Variants in ANKS1B observed in about 807,000 individuals in gnomAD.
The protein encoded by ANKS1B is ankyrin repeat and sterile alpha motif domain containing 1B.
In ANKS1B, 36 loss-of-function variants were observed where a neutral mutation model predicts 148.3. The observed-to-expected ratio is 0.24, with a 90% CI of 0.19 to 0.32. The LOEUF is 0.32. ANKS1B is among the 10% of genes least tolerant of loss of function. The probability of loss-of-function intolerance (pLI) is 1.00; values close to 1 mark genes in which losing one functional copy is unlikely to be tolerated. For synonymous variants in ANKS1B, 542 were observed against 560.8 expected, an observed-to-expected ratio of 0.97 and a Z score of 0.47; for missense variants, 1,157 against 1,542.6, an observed-to-expected ratio of 0.75 and a Z score of 4.19.
At chr12:98,840,189 T>C (rs2099397991) in intron 17 of ANKS1B, among the ~76,000 whole-genome samples, 1 of 152,220 alleles carries the variant, frequency 6.6e-6, no homozygotes, top group Non-Finnish European at 1.5e-5. Context: ...CTATTCTTTC[T>C]GAGCTTTGGC....
intron 15 of ANKS1B, among the ~76,000 whole-genome samples, chr12:99,099,292 G>A (rs2057280273): frequency 6.6e-6 from 1 of 152,224 alleles, no homozygotes. Flanking sequence ...AGCATGTCCT[G>A]ATGAAGAGAT....
chr12:99,343,709 T>C (rs1361918141), intron 12 of ANKS1B: 2 of 152,104 alleles, frequency 1.3e-5, no homozygotes, highest in Non-Finnish European at 2.9e-5. Context: ...TCTTCTCTTT[T>C]ATTTACATCC....
In ANKS1B at chr12:99,824,082, T is replaced by A. The variant is rs574292479; in HGVS notation, c.215+1227A>T. ...TTGCTTTGGCTATTTGAGCTCTTTT[T>A]TTAAATTCAAAATGAATTTTAGAAT... On this transcript the variant is annotated intron_variant, in intron 2 of 26. Coordinates refer to ENST00000683438, the MANE Select transcript of ANKS1B (RefSeq NM_001352186.2). 7.6e-4 allele frequency among the ~76,000 whole-genome samples: 116 copies of A among 152,356 alleles called. 2 individuals carry two copies. Among genetic ancestry groups the A allele is most frequent in the African/African-American group, 2.5e-3 (102 of 41,592 alleles).
intron 12 of ANKS1B, among the ~76,000 whole-genome samples, chr12:99,341,664 G>A (rs2089943276): frequency 6.6e-6 from 1 of 152,104 alleles, no homozygotes; most frequent in African/African-American, 2.4e-5. Flanking sequence ...TGGTAGGAAG[G>A]TGAGATATAA....
intron 20 of ANKS1B, among the ~76,000 whole-genome samples, chr12:98,804,895 T>C (rs1463528257): frequency 2.0e-5 from 3 of 152,314 alleles, no homozygotes; most frequent in South Asian, 2.1e-4. Flanking sequence ...AAAATCCTTA[T>C]TAAATATTAA....
At chr12:99,736,422 C>T (rs757107726) in intron 8 of ANKS1B, among the ~76,000 whole-genome samples, 2 of 151,826 alleles carry the variant, frequency 1.3e-5, no homozygotes, top group African/African-American at 2.4e-5. Flanking sequence ...AAAATCAGCA[C>T]ACAAAAATCA....
At chr12:99,301,329 T>G (rs1338422559) in intron 12 of ANKS1B, among the ~76,000 whole-genome samples, 1 of 152,136 alleles carries the variant, frequency 6.6e-6, no homozygotes, top group Non-Finnish European at 1.5e-5. Context: ...CTCTTGGCCC[T>G]GTCGAGTTGA....
intron 1 of ANKS1B, among the ~76,000 whole-genome samples, chr12:99,859,939 C>T (rs550489818): frequency 1.3e-5 from 2 of 152,252 alleles, no homozygotes; most frequent in East Asian, 1.9e-4. Context: ...TGGGCCACCG[C>T]GCCCGGCCGA....
At chr12:99,581,897 C>CAAAAAAA (rs369048602) in intron 9 of ANKS1B, among the ~76,000 whole-genome samples, 38 of 59,164 alleles carry the variant, frequency 6.4e-4, no homozygotes, top group South Asian at 1.1e-3. Flanking sequence ...GACTCCGTCT[C>CAAAAAAA]AAAAAAAAAA....
At chr12:99,487,830 T>A (rs2096513061) in intron 10 of ANKS1B, among the ~76,000 whole-genome samples, 1 of 152,190 alleles carries the variant, frequency 6.6e-6, no homozygotes, top group African/African-American at 2.4e-5. Flanking sequence ...TAGATATGTC[T>A]ATTAAATCAA....
intron 1 of ANKS1B, among the ~76,000 whole-genome samples, chr12:99,834,215 A>C (rs2153691508): frequency 6.6e-6 from 1 of 152,320 alleles, no homozygotes; most frequent in South Asian, 2.1e-4. Flanking sequence ...AACTTGATTA[A>C]CTTAAGCTTG....
chr12:98,957,538 G>T (rs924518539), intron 17 of ANKS1B, among the ~76,000 whole-genome samples: 2 of 151,738 alleles, frequency 1.3e-5, no homozygotes, highest in African/African-American at 4.8e-5. Context: ...AGTAGAGACG[G>T]GTTTTCACCA....
chr12:98,984,048 G>A (rs1379747610), intron 17 of ANKS1B, among the ~76,000 whole-genome samples: 1 of 152,106 alleles, frequency 6.6e-6, no homozygotes. Context: ...AGAACTTTCT[G>A]GATCTCCTGT....
At chr12:99,865,050 G>A (rs967082273) in intron 1 of ANKS1B, among the ~76,000 whole-genome samples, 17 of 152,218 alleles carry the variant, frequency 1.1e-4, no homozygotes, top group African/African-American at 3.6e-4. Context: ...TTAATGAGCT[G>A]CTGGACAGCT....
At chr12:99,301,799 G>A (rs542090468) in intron 12 of ANKS1B, among the ~76,000 whole-genome samples, 3 of 152,150 alleles carry the variant, frequency 2.0e-5, no homozygotes, top group South Asian at 2.1e-4. Context: ...AATAATACTT[G>A]TATAAAAAAG....
chr12:99,241,190 A>T (rs2089241774), intron 14 of ANKS1B, among the ~76,000 whole-genome samples: 1 of 152,188 alleles, frequency 6.6e-6, no homozygotes, highest in African/African-American at 2.4e-5. Flanking sequence ...AATCAAACAG[A>T]TGCAATAAAA....
At chr12:99,817,812 C>T (rs1366386525) in intron 2 of ANKS1B, among the ~76,000 whole-genome samples, 3 of 151,636 alleles carry the variant, frequency 2.0e-5, no homozygotes, top group South Asian at 2.1e-4. Context: ...AGTCTTCTTT[C>T]GAGAAATGTC....
intron 16 of ANKS1B, among the ~76,000 whole-genome samples, chr12:99,061,342 A>G: frequency 6.6e-6 from 1 of 152,240 alleles, no homozygotes; most frequent in East Asian, 1.9e-4. Flanking sequence ...CAGGCAAAAC[A>G]ATACCCTGGA....
intron 16 of ANKS1B, among the ~76,000 whole-genome samples, chr12:99,080,221 C>T (rs552058043): frequency 6.6e-6 from 1 of 151,892 alleles, no homozygotes; most frequent in East Asian, 1.9e-4. Flanking sequence ...CAAATGAACC[C>T]AGTTTGGTTG....
Sources: allele counts gnomAD v4.1 joint callset (sites outside exome capture counted in the v4.1 genomes callset), GRCh38; gene constraint gnomAD v4.1.1; transcripts MANE v1.5; gene names NCBI Gene and HGNC (gene_info 2026-07-23, HGNC 2026-07-21).